The following BPI variants were observed in gnomAD, a reference collection of about 807,000 sequenced individuals.
BPI encodes the protein bactericidal permeability increasing protein.
BPI carries 48 observed loss-of-function variants against 57.6 expected under a neutral mutation model. The ratio of observed to expected loss-of-function variants is 0.83; its 90% confidence interval spans 0.66 to 1.06. The LOEUF is 1.06. Among genes scored for constraint, BPI ranks in the 50% least tolerant of loss-of-function variants. The probability of loss-of-function intolerance (pLI) is 0.00; values close to 1 mark genes in which losing one functional copy is unlikely to be tolerated. For synonymous variants in BPI, 237 were observed against 238.2 expected (o/e 0.99, Z 0.05); for missense variants, 651 against 609.7 (o/e 1.07, Z -0.71).
intron 5 of BPI, 101 bp from the exon 6 acceptor site, chr20:38,318,312 G>T (rs774275266): frequency 2.6e-5 from 35 of 1,352,984 alleles, no homozygotes; most frequent in Non-Finnish European, 3.7e-5. Flanking sequence ...TAATTTTCAA[G>T]AAAACATTCA....
Position 38,326,398 on chromosome 20 carries a change from ACTCCTCCCTGG to A in BPI, c.1130_1140del (p.Ser377PhefsTer30), listed in dbSNP as rs1271048316. On this transcript the variant is annotated frameshift_variant, in exon 10 of 15. Transcript: ENST00000642449. LOFTEE classifies it high-confidence loss of function. Reference sequence around the variant, plus strand: ...GTCCAGGCCTTTGCCGTCCTCCCCAACTCCTCCCTGGCTTCCCTCTTCCTGATTGGCATGGT... The same window carrying A: ...GTCCAGGCCTTTGCCGTCCTCCCCAACTTCCCTCTTCCTGATTGGCATGGT... 1.9e-6 allele frequency: 3 copies of A among 1,613,306 alleles called. No individual in the cohort carries two copies. The African/African-American group carries it at 4.0e-5, about 22-fold the overall frequency.
At chr20:38,330,484 A>G (rs185027551) in intron 11 of BPI, among the ~76,000 whole-genome samples, 1 of 152,308 alleles carries the variant, frequency 6.6e-6, no homozygotes, top group Admixed American at 6.5e-5. Flanking sequence ...AATGTCATAA[A>G]GGCCTTAAAG....
chr20:38,316,633 G>C (rs969163441), intron 5 of BPI, among the ~76,000 whole-genome samples: 6 of 152,286 alleles, frequency 3.9e-5, no homozygotes, highest in Admixed American at 3.3e-4. Flanking sequence ...TTACTGAGTG[G>C]GTTGCTGCTA....
rs749629986 is a variant in BPI, at chr20:38,311,918, G to T, written c.581G>T (p.Arg194Leu). 6 of 1,613,908 alleles carry T rather than the reference G, an allele frequency of 3.7e-6. No homozygotes were observed. Among genetic ancestry groups the T allele is most frequent in the South Asian group, 1.1e-5 (1 of 91,052 alleles). ...CACAAAAAAATTGAGTCTGCGCTTC[G>T]AAACAAGATGAACAGCCAGGTAGGA... ...LFHKKIESALRNKMNSQVCEK... is the reference protein window; with the variant it reads ...LFHKKIESALLNKMNSQVCEK... Residue 194 changes from arginine to leucine, a missense_variant, in exon 5 of 15, where the codon CGA becomes CTA. By Grantham distance (102) the Arg-to-Leu change is moderately radical (BLOSUM62 -2). Transcript: ENST00000642449.
At chr20:38,333,202 T>G in intron 12 of BPI, among the ~76,000 whole-genome samples, 1 of 152,168 alleles carries the variant, frequency 6.6e-6, no homozygotes, top group South Asian at 2.1e-4. Flanking sequence ...AAGGCTTTCT[T>G]GGTGGCTTGA....
intron 3 of BPI, among the ~76,000 whole-genome samples, chr20:38,309,331 C>G (rs901794188): frequency 6.6e-6 from 1 of 152,158 alleles, no homozygotes; most frequent in Non-Finnish European, 1.5e-5. Flanking sequence ...TAATTTATCC[C>G]GTTTATCAGT....
Position 38,320,196 on chromosome 20 carries a change from AG to A in BPI, c.679del (p.Asp227IlefsTer25). 6.2e-7 allele frequency: 1 copy of A among 1,614,044 alleles called. No individual in the cohort carries two copies. Among genetic ancestry groups the A allele is most frequent in the Middle Eastern group, 1.7e-4 (1 of 6,058 alleles). ...CTTTCTCTCTAGTAATGACCAAAATAGATTCTGTGGCTGGAATCAACTATGG... is the reference window on the plus strand; with the variant it reads ...CTTTCTCTCTAGTAATGACCAAAATAATTCTGTGGCTGGAATCAACTATGG... ...FQTLPVMTKI[D>X]SVAGINYGLV... On this transcript the variant is annotated frameshift_variant, in exon 7 of 15. Coordinates refer to ENST00000642449, the MANE Select transcript of BPI (RefSeq NM_001725.3). LOFTEE classifies it high-confidence loss of function.
chr20:38,327,806 G>A, intron 11 of BPI, 151 bp downstream of exon 11: 3 of 898,148 alleles, frequency 3.3e-6, no homozygotes, highest in East Asian at 2.9e-5. Context: ...GATGGCCACA[G>A]TATCCCCATT....
At chr20:38,315,840 T>C (rs541499063) in intron 5 of BPI, among the ~76,000 whole-genome samples, 121 of 150,428 alleles carry the variant, frequency 8.0e-4, no homozygotes, top group African/African-American at 2.7e-3. Flanking sequence ...CTTTTCTTTT[T>C]TTTTTTTTTG....
At chr20:38,320,871 ATGGGT>A (rs2076678411) in intron 7 of BPI, among the ~76,000 whole-genome samples, 1 of 75,944 alleles carries the variant, frequency 1.3e-5, no homozygotes, top group Non-Finnish European at 2.4e-5. Context: ...ATATGGATGG[ATGGGT>A]AGGTGGATGG....
At chr20:38,328,371 G>T (rs2076724414) in intron 11 of BPI, among the ~76,000 whole-genome samples, 1 of 151,904 alleles carries the variant, frequency 6.6e-6, no homozygotes, top group South Asian at 2.1e-4. Flanking sequence ...TGGCCAACAT[G>T]GTGAAACCCT....
Position 38,331,091 on chromosome 20 carries a change from G to A in BPI, c.1272+1G>A. 1 of 1,614,116 alleles carries A rather than the reference G, an allele frequency of 6.2e-7. No individual in the cohort carries two copies. The highest frequency in any genetic ancestry group is 1.1e-5 in the South Asian group (1 of 91,072). ...GCACTCAAATATTGGCCCCTTCCCG[G>A]TGAGTCTGAGGCCCTTGGTGGCTTC... On this transcript the variant is annotated splice_donor_variant, in intron 12 of 14. Transcript: ENST00000642449. LOFTEE classifies it high-confidence loss of function.
At chr20:38,317,878 G>A in intron 5 of BPI, 6 of 1,459,282 alleles carry the variant, frequency 4.1e-6, no homozygotes, top group Non-Finnish European at 5.4e-6. Flanking sequence ...TCATGGGCTA[G>A]GGGACAGGGG....
chr20:38,322,765 C>G (rs186510614), intron 7 of BPI, among the ~76,000 whole-genome samples: 1 of 152,168 alleles, frequency 6.6e-6, no homozygotes, highest in Non-Finnish European at 1.5e-5. Flanking sequence ...CCCGCCACCA[C>G]GCCTGGCTAA....
At chr20:38,305,793 C>A (rs1019361656) in intron 1 of BPI, among the ~76,000 whole-genome samples, 4 of 152,158 alleles carry the variant, frequency 2.6e-5, no homozygotes, top group African/African-American at 9.7e-5. Flanking sequence ...TGTACAAATT[C>A]ATACATATAC....
At chr20:38,309,474 C>T (rs2076612053) in intron 3 of BPI, among the ~76,000 whole-genome samples, 1 of 152,168 alleles carries the variant, frequency 6.6e-6, no homozygotes, top group Non-Finnish European at 1.5e-5. Flanking sequence ...TTGGCTCCAC[C>T]TGTGTCTCCT....
chr20:38,337,100 A>G, intron 14 of BPI, 46 bp from the exon 15 acceptor site: 1 of 1,583,724 alleles, frequency 6.3e-7, no homozygotes. Context: ...ACTCACAAAC[A>G]AGGGGTGCAT....
rs2076603218 is a variant in BPI, at chr20:38,307,636, G to T, written c.200G>T (p.Ser67Ile). The T allele has an allele frequency of 6.2e-7, 1 of 1,612,082 alleles. No individual in the cohort carries two copies. Residue 67 changes from serine to isoleucine, a missense_variant, in exon 2 of 15, where the codon AGC becomes ATC. By Grantham distance (142) the Ser-to-Ile change is moderately radical. Transcript: ENST00000642449. ...ATCAAGATTCCTGACTACTCAGACA[G>T]CTTTAAGATCAAGCATCTTGGGAAG... ...KRIKIPDYSD[S>I]FKIKHLGKGH...
intron 9 of BPI, among the ~76,000 whole-genome samples, 176 bp from the exon 10 acceptor site, chr20:38,326,089 G>A (rs1322254390): frequency 1.3e-5 from 2 of 152,172 alleles, no homozygotes; most frequent in Non-Finnish European, 2.9e-5. Context: ...AGAGGCAGAG[G>A]TACATGTGGT....
Sources: gnomAD v4.1 joint callset for allele counts (sites outside exome capture counted in the v4.1 genomes callset) on GRCh38, gnomAD v4.1.1 for gene constraint, MANE v1.5 for transcripts, NCBI Gene and HGNC (gene_info 2026-07-23, HGNC 2026-07-21) for gene names.